Variants in MDGA2 observed in about 807,000 individuals in gnomAD.
The protein encoded by MDGA2 is MAM domain-containing glycosylphosphatidylinositol anchor protein 2.
In MDGA2, 40 loss-of-function variants were observed where a neutral mutation model predicts 117.8. The observed-to-expected ratio is 0.34, with a 90% CI of 0.26 to 0.44. The LOEUF (loss-of-function observed/expected upper bound fraction) is 0.44. MDGA2 is among the 20% of genes least tolerant of loss of function. The pLI, the probability that MDGA2 is intolerant of heterozygous loss-of-function variation, is 1.00. For missense variants in MDGA2, 1,123 were observed against 1,250.6 expected (o/e 0.90, Z 1.54); for synonymous variants, 452 against 439.0 (o/e 1.03, Z -0.37).
intron 8 of MDGA2, among the ~76,000 whole-genome samples, chr14:46,993,291 T>TTTTACTTCCAGAAAGGTTA (rs1887162629): frequency 6.6e-6 from 1 of 152,148 alleles, no homozygotes; most frequent in Non-Finnish European, 1.5e-5. Context: ...TCTATCAACA[T>TTTTACTTCCAGAAAGGTTA]TTTACTTCCA....
chr14:47,355,417 C>A lies in MDGA2; in HGVS notation c.281-53867G>T, dbSNP rs547088359. Among the ~76,000 whole-genome samples the A allele has an allele frequency of 3.7e-4, 56 of 152,230 alleles. No homozygotes were observed. In the South Asian group the frequency reaches 4.4e-3, roughly 12 times the overall value. ...GCTGTAGTGGGCCCTAGCAAGGAAC[C>A]ATGGTGGAATATCAGGTCATTTAAT... On this transcript the variant is annotated intron_variant, in intron 1 of 16. Transcript: ENST00000399232.
intron 7 of MDGA2, among the ~76,000 whole-genome samples, chr14:47,049,151 A>AGAAAG (rs1889365430): frequency 1.3e-5 from 2 of 152,126 alleles, no homozygotes; most frequent in Non-Finnish European, 2.9e-5. Flanking sequence ...CGTTTCATTT[A>AGAAAG]CAGTGGACTG....
intron 2 of MDGA2, among the ~76,000 whole-genome samples, chr14:47,289,780 T>C (rs1309751285): frequency 6.6e-6 from 1 of 152,182 alleles, no homozygotes; most frequent in African/African-American, 2.4e-5. Flanking sequence ...ACAATGGTTC[T>C]GACCTTATCC....
At chr14:47,505,023 A>G (rs933561441) in intron 1 of MDGA2, among the ~76,000 whole-genome samples, 2 of 152,226 alleles carry the variant, frequency 1.3e-5, no homozygotes, top group Non-Finnish European at 1.5e-5. Flanking sequence ...ATGAAAAAGA[A>G]TGAAATCCTG....
chr14:47,153,709 T>TA (rs201838648), intron 3 of MDGA2, among the ~76,000 whole-genome samples: 1,839 of 68,498 alleles, frequency 0.027, 25 homozygotes, highest in East Asian at 0.16. Context: ...AGAAAAGAAA[T>TA]AAAAAAAAAA....
intron 10 of MDGA2, among the ~76,000 whole-genome samples, chr14:46,918,399 G>A (rs951636235): frequency 7.2e-5 from 11 of 152,118 alleles, no homozygotes; most frequent in African/African-American, 2.2e-4. Context: ...TAAAATATTA[G>A]CTGTGTTAAG....
chr14:47,401,155 T>C (rs1892140111), intron 1 of MDGA2, among the ~76,000 whole-genome samples: 1 of 152,032 alleles, frequency 6.6e-6, no homozygotes, highest in Non-Finnish European at 1.5e-5. Flanking sequence ...GTAGATAAAT[T>C]AACAACCAAA....
chr14:47,129,930 G>A (rs1882116481), intron 5 of MDGA2, among the ~76,000 whole-genome samples: 1 of 148,926 alleles, frequency 6.7e-6, no homozygotes, highest in African/African-American at 2.5e-5. Flanking sequence ...CCCACTTTTT[G>A]ATGGGGTTGT....
At chr14:47,088,520 T>G (rs1440643902) in intron 6 of MDGA2, among the ~76,000 whole-genome samples, 1 of 152,176 alleles carries the variant, frequency 6.6e-6, no homozygotes, top group Non-Finnish European at 1.5e-5. Context: ...AAAATTAAAT[T>G]TGATGAATCT....
At chr14:47,432,761 G>A (rs1021141189) in intron 1 of MDGA2, among the ~76,000 whole-genome samples, 2 of 152,060 alleles carry the variant, frequency 1.3e-5, no homozygotes, top group African/African-American at 4.8e-5. Flanking sequence ...TATATTCTAA[G>A]CAATGAATTT....
rs187674324 is a variant in MDGA2, at chr14:47,054,398, T to A, written c.1525+6851A>T. The stretch of plus-strand genomic sequence containing the variant: ...TGCAGGTTTGTTACATATGTACATG[T>A]GCCATGTTGGTGTGCTGCACCCATT... On this transcript the variant is annotated intron_variant, in intron 7 of 16. Transcript: ENST00000399232. Among the ~76,000 whole-genome samples the A allele has an allele frequency of 2.0e-5, 3 of 151,854 alleles. No homozygotes were observed. In the East Asian group the frequency reaches 5.8e-4, roughly 29 times the overall value.
At chr14:47,207,513 G>A (rs1465679729) in intron 3 of MDGA2, among the ~76,000 whole-genome samples, 1 of 151,950 alleles carries the variant, frequency 6.6e-6, no homozygotes, top group African/African-American at 2.4e-5. Flanking sequence ...ACTGGAATAA[G>A]ATAGTGGAAG....
In MDGA2 at chr14:46,853,604, C is replaced by T. The variant is rs1881148030; in HGVS notation, c.2883+1420G>A. Among the ~76,000 whole-genome samples the T allele has an allele frequency of 2.0e-5, 3 of 150,600 alleles. No individual in the cohort carries two copies. In the South Asian group the frequency reaches 6.3e-4, roughly 32 times the overall value. ...CAATGCAAACAAGAAGAGTATGGTA[C>T]AATATCTGAAAAGTTCTAAAAAAAA... On this transcript the variant is annotated intron_variant, in intron 15 of 16. Coordinates refer to ENST00000399232, the MANE Select transcript of MDGA2 (RefSeq NM_001113498.3).
chr14:47,410,617 C>T (rs1324221118), intron 1 of MDGA2, among the ~76,000 whole-genome samples: 1 of 152,014 alleles, frequency 6.6e-6, no homozygotes, highest in Non-Finnish European at 1.5e-5. Context: ...GAATCAAATG[C>T]ATGGCTGAAG....
chr14:47,358,117 C>T (rs1891036438), intron 1 of MDGA2, among the ~76,000 whole-genome samples: 1 of 152,172 alleles, frequency 6.6e-6, no homozygotes, highest in Non-Finnish European at 1.5e-5. Context: ...TGGGGATGAA[C>T]TTTGGTGACC....
chr14:47,670,900 C>T (rs1398990907), intron 1 of MDGA2, among the ~76,000 whole-genome samples: 1 of 151,938 alleles, frequency 6.6e-6, no homozygotes, highest in Non-Finnish European at 1.5e-5. Context: ...TTTTTAAATG[C>T]ACATATATAT....
At chr14:47,307,865 C>G (rs1889506563) in intron 1 of MDGA2, among the ~76,000 whole-genome samples, 1 of 151,878 alleles carries the variant, frequency 6.6e-6, no homozygotes, top group Non-Finnish European at 1.5e-5. Flanking sequence ...TATAGGAGAG[C>G]ATGTAGAGTG....
chr14:46,966,627 T>C (rs75654931), intron 8 of MDGA2, among the ~76,000 whole-genome samples: 17,925 of 152,120 alleles, frequency 0.12, 2,013 homozygotes, highest in African/African-American at 0.27. Flanking sequence ...ATTACCCATA[T>C]ATTATAATCT....
At position 46,982,734 on chromosome 14, in the gene MDGA2, A is replaced by AAAAAAAAAAAAAAAAT. The variant is rs1449356596; in HGVS notation, c.1820-25092_1820-25091insATTTTTTTTTTTTTTT. 1.3e-3 allele frequency among the ~76,000 whole-genome samples: 167 copies of AAAAAAAAAAAAAAAAT among 130,396 alleles called. 8 individuals carry two copies. Among genetic ancestry groups the AAAAAAAAAAAAAAAAT allele is most frequent in the Non-Finnish European group, 2.2e-3 (129 of 59,228 alleles). 85.5% of individuals were successfully genotyped at this position (130,396 alleles called of 152,430 possible). The stretch of plus-strand genomic sequence containing the variant: ...AAAAAAAAAAAAAAAAAAAAAAAAA[A>AAAAAAAAAAAAAAAAT]AATCATGTCATCTGCAACCAGGGAC... On this transcript the variant is annotated intron_variant, in intron 8 of 16. Transcript: ENST00000399232.
Sources: allele counts gnomAD v4.1 joint callset (sites outside exome capture counted in the v4.1 genomes callset), GRCh38; gene constraint gnomAD v4.1.1; transcripts MANE v1.5; gene names NCBI Gene and HGNC (gene_info 2026-07-23, HGNC 2026-07-21).